SH3RF1: variants seen among roughly 807,000 people sequenced by gnomAD.
The protein encoded by SH3RF1 is E3 ubiquitin-protein ligase SH3RF1.
Under a neutral mutation model 74.0 loss-of-function variants are expected in SH3RF1, and 32 were observed. The observed-to-expected ratio is 0.43, with a 90% CI of 0.33 to 0.58. The LOEUF is 0.58. Among genes scored for constraint, SH3RF1 ranks in the 20% least tolerant of loss-of-function variants. The pLI, the probability that SH3RF1 is intolerant of heterozygous loss-of-function variation, is 0.05. For missense variants in SH3RF1, 954 were observed against 1,130.9 expected, an observed-to-expected ratio of 0.84 and a Z score of 2.24; for synonymous variants, 396 against 439.6, an observed-to-expected ratio of 0.90 and a Z score of 1.24.
intron 2 of SH3RF1, among the ~76,000 whole-genome samples, chr4:169,184,900 T>C (rs902822037): frequency 6.6e-6 from 1 of 152,174 alleles, no homozygotes; most frequent in Non-Finnish European, 1.5e-5. Context: ...GTCTGTGAGA[T>C]AAACGGTTTT....
intron 2 of SH3RF1, among the ~76,000 whole-genome samples, chr4:169,253,440 C>T (rs780774741): frequency 1.3e-5 from 2 of 152,196 alleles, no homozygotes; most frequent in African/African-American, 2.4e-5. Flanking sequence ...AGCCCATGGG[C>T]TTTTGTCATG....
chr4:169,103,086 ATTTTTTTTTTTT>A (rs60740517), intron 11 of SH3RF1, among the ~76,000 whole-genome samples: 98 of 87,080 alleles, frequency 1.1e-3, no homozygotes, highest in Non-Finnish European at 1.7e-3. Context: ...GCGCCTGGCT[ATTTTTTTTTTTT>A]TTTTTTTTTT....
intron 2 of SH3RF1, chr4:169,166,330 G>T: frequency 6.5e-6 from 1 of 154,980 alleles, no homozygotes; most frequent in South Asian, 1.8e-4. Context: ...AAGCCACGAA[G>T]GCTGATGCTG....
intron 2 of SH3RF1, among the ~76,000 whole-genome samples, chr4:169,241,528 G>T (rs567397818): frequency 3.3e-5 from 5 of 151,716 alleles, no homozygotes; most frequent in Admixed American, 2.6e-4. Flanking sequence ...GAGAGCATCT[G>T]GATGTGCTTT....
intron 11 of SH3RF1, among the ~76,000 whole-genome samples, chr4:169,101,600 T>C (rs184064614): frequency 6.5e-4 from 99 of 151,710 alleles, no homozygotes; most frequent in Non-Finnish European, 1.1e-3. Context: ...AAATAGTAAA[T>C]TTTCATGTAT....
chr4:169,247,112 C>A (rs1361669219), intron 2 of SH3RF1, among the ~76,000 whole-genome samples: 2 of 152,172 alleles, frequency 1.3e-5, no homozygotes, highest in Non-Finnish European at 2.9e-5. Flanking sequence ...ATGATGTGCT[C>A]ACTGGGAAAA....
At chr4:169,180,930 C>T (rs2660398) in intron 2 of SH3RF1, among the ~76,000 whole-genome samples, 12,479 of 152,154 alleles carry the variant, frequency 0.082, 615 homozygotes, top group African/African-American at 0.13. Context: ...ACTAGCCGGA[C>T]GAAGGGTTTG....
In SH3RF1 at chr4:169,136,521, C is replaced by A; in HGVS notation, c.865G>T (p.Ala289Ser). 6.2e-7 allele frequency: 1 copy of A among 1,613,404 alleles called. No individual in the cohort carries two copies. Residue 289 changes from alanine (A) to serine (S), a missense_variant, in exon 5 of 12, where the codon GCC (alanine) becomes TCC (serine). Coordinates refer to ENST00000284637, the MANE Select transcript of SH3RF1 (RefSeq NM_020870.4). ...TTCTTGGTGTCGGAGTGCTTTGGGG[C>A]AGTGCTGCTCTGGGCTGCTGCCGAG... ...CSSAAAQSST[A>S]PKHSDTKKNT...
Position 169,137,647 on chromosome 4 carries a change from G to A in SH3RF1, c.766-1027C>T, listed in dbSNP as rs1579101310. ...ATGTCTTTATATAAAATAATATCATGTACTATTTTTCCCACTTAAATTGTT... is the reference window on the plus strand; with the variant it reads ...ATGTCTTTATATAAAATAATATCATATACTATTTTTCCCACTTAAATTGTT... On this transcript the variant is annotated intron_variant, in intron 4 of 11. Transcript: ENST00000284637. Among the ~76,000 whole-genome samples the A allele has an allele frequency of 4.6e-5, 7 of 152,280 alleles. No individual in the cohort carries two copies. In the East Asian group the frequency reaches 1.3e-3, roughly 29 times the overall value.
rs1459182985 is a variant in SH3RF1, at chr4:169,094,271, T to C, written c.*2248A>G. 1 of 152,128 alleles carries C rather than the reference T, an allele frequency of 6.6e-6. No homozygotes were observed. The highest frequency in any genetic ancestry group is 6.5e-5 in the Admixed American group (1 of 15,270). 9.4% of individuals were successfully genotyped at this position (152,128 alleles called of 1,614,324 possible). ...CAAGGGACATACAAAGGTTTGAACA[T>C]CAAATTTTAATCTTGAAACCTTTTA... is the stretch of plus-strand genomic sequence containing the variant. On this transcript the variant is annotated 3_prime_UTR_variant, in exon 12 of 12. Transcript: ENST00000284637.
chr4:169,225,330 C>A (rs1730640461), intron 2 of SH3RF1, among the ~76,000 whole-genome samples: 1 of 152,148 alleles, frequency 6.6e-6, no homozygotes, highest in Admixed American at 6.5e-5. Flanking sequence ...GGAACCAGAG[C>A]TCCAGCACAA....
intron 2 of SH3RF1, among the ~76,000 whole-genome samples, chr4:169,210,227 C>A (rs1487359688): frequency 6.6e-6 from 1 of 152,154 alleles, no homozygotes; most frequent in Non-Finnish European, 1.5e-5. Context: ...TCTCCTCTTG[C>A]CCTTCCCTCC....
chr4:169,259,845 C>T (rs1484540098), intron 2 of SH3RF1, among the ~76,000 whole-genome samples: 2 of 152,172 alleles, frequency 1.3e-5, no homozygotes, highest in African/African-American at 2.4e-5. Context: ...ATTTCTATCA[C>T]AAGTACATCT....
rs149469254 is a variant in SH3RF1 at position 169,141,463 on chromosome 4, G to T, written c.766-4843C>A. ...AAAGTAGAATTTGCTAGATCAAAGT[G>T]TAAGTTTAAAAATCGTTTTTTGAAG... On this transcript the variant is annotated intron_variant, in intron 4 of 11. Transcript: ENST00000284637. Among the ~76,000 whole-genome samples, 763 of 152,254 alleles carry T rather than the reference G, an allele frequency of 5.0e-3. 6 individuals are homozygous for T. Among genetic ancestry groups the T allele is most frequent in the African/African-American group, 0.017 (698 of 41,542 alleles).
At chr4:169,261,677 TATC>T (rs1419033656) in intron 2 of SH3RF1, among the ~76,000 whole-genome samples, 1 of 152,122 alleles carries the variant, frequency 6.6e-6, no homozygotes, top group Non-Finnish European at 1.5e-5. Flanking sequence ...ATCCAAGTTT[TATC>T]ATTAAATTAA....
chr4:169,121,256 G>A (rs1421972484), intron 7 of SH3RF1, among the ~76,000 whole-genome samples: 1 of 152,232 alleles, frequency 6.6e-6, no homozygotes, highest in Non-Finnish European at 1.5e-5. Flanking sequence ...TTTGCATAGT[G>A]TGAAAGAATT....
rs574859361 is a variant in SH3RF1, at chr4:169,145,761, A to T, written c.766-9141T>A. On this transcript the variant is annotated intron_variant, in intron 4 of 11. Coordinates refer to ENST00000284637, the MANE Select transcript of SH3RF1 (RefSeq NM_020870.4). The stretch of plus-strand genomic sequence containing the variant: ...CCGCCTGGTCTAAAAACTATATAAA[A>T]TATATAAAATATTATATATTCTATA... 2.1e-3 allele frequency among the ~76,000 whole-genome samples: 306 copies of T among 144,142 alleles called. 4 individuals carry two copies. Among genetic ancestry groups the T allele is most frequent in the Middle Eastern group, 7.2e-3 (2 of 276 alleles). 94.6% of individuals were successfully genotyped at this position (144,142 alleles called of 152,430 possible).
At chr4:169,218,479 A>G in intron 2 of SH3RF1, among the ~76,000 whole-genome samples, 1 of 145,444 alleles carries the variant, frequency 6.9e-6, no homozygotes, top group Non-Finnish European at 1.5e-5. Context: ...TAAATATATT[A>G]TATATTTTAT....
intron 11 of SH3RF1, among the ~76,000 whole-genome samples, chr4:169,099,459 T>C (rs377632144): frequency 6.6e-6 from 1 of 152,228 alleles, no homozygotes; most frequent in Non-Finnish European, 1.5e-5. Flanking sequence ...CCAGATGACA[T>C]TTCTCAAGTC....
Sources: gnomAD v4.1 joint callset for allele counts (sites outside exome capture counted in the v4.1 genomes callset) on GRCh38, gnomAD v4.1.1 for gene constraint, MANE v1.5 for transcripts, NCBI Gene and HGNC (gene_info 2026-07-23, HGNC 2026-07-21) for gene names.